TRMT44: variants seen among roughly 807,000 people sequenced by gnomAD.
TRMT44 encodes the protein tRNA methyltransferase 44 homolog, also known as probable tRNA (uracil-O(2)-)-methyltransferase.
In TRMT44, 78 loss-of-function variants were observed where a neutral mutation model predicts 77.3. That is an observed-to-expected ratio of 1.01 (90% CI 0.84 to 1.22). The LOEUF is 1.22. Ranked by LOEUF, TRMT44 falls within the 50% of genes most tolerant of loss-of-function variation. The pLI, the probability that TRMT44 is intolerant of heterozygous loss-of-function variation, is 0.00. For missense variants in TRMT44, 1,090 were observed against 964.4 expected, an observed-to-expected ratio of 1.13 and a Z score of -1.73; for synonymous variants, 391 against 383.3, an observed-to-expected ratio of 1.02 and a Z score of -0.23.
chr4:8,476,025 C>T lies in TRMT44; in HGVS notation c.*24C>T. 1 of 1,607,900 alleles carries T rather than the reference C, an allele frequency of 6.2e-7. No individual in the cohort carries two copies. The highest frequency in any genetic ancestry group is 8.5e-7 in the Non-Finnish European group (1 of 1,176,000). ...GAGCTGCATCCTTGCCAGCCGAGGCCTGGTTGGGGAGGCCAAACCAAGGAG... is the reference window on the plus strand; with the variant it reads ...GAGCTGCATCCTTGCCAGCCGAGGCTTGGTTGGGGAGGCCAAACCAAGGAG... On this transcript the variant is annotated 3_prime_UTR_variant, in exon 11 of 11. Transcript: ENST00000389737.
the TRMT44 span, among the ~76,000 whole-genome samples, chr4:8,508,516 A>C: frequency 6.6e-6 from 1 of 152,122 alleles, no homozygotes; most frequent in Admixed American, 6.5e-5. Context: ...GTTGAACCTG[A>C]TGTCTGCTCA....
At chr4:8,490,517 A>G (rs1379642687) in intron 2 of TRMT44, among the ~76,000 whole-genome samples, 2 of 152,068 alleles carry the variant, frequency 1.3e-5, no homozygotes, top group African/African-American at 2.4e-5. Flanking sequence ...CGCTGGCTTC[A>G]GGAGTGAAGC....
chr4:8,453,049 A>G (rs1056095878), intron 5 of TRMT44, 60 bp downstream of exon 5: 6 of 1,037,030 alleles, frequency 5.8e-6, no homozygotes, highest in South Asian at 1.7e-5. Context: ...CAAGTCAGGC[A>G]CAGGGTTCAC....
In TRMT44 at chr4:8,452,023, C is replaced by G; in HGVS notation, c.1018C>G (p.Leu340Val). The change falls in exon 4 of 11, where the codon CTG becomes GTG. Residue 340 changes from leucine (L) to valine (V), a missense_variant. Transcript: ENST00000389737. The surrounding 1 kb of genome is among the most constrained non-coding windows in gnomAD (Gnocchi z 5.7). Reference sequence around the variant, plus strand: ...TGAAGATGTGGCTATCGCAGCATACCTGCTGGTAAGGGTGTAAGCGACCTC... The same window carrying G: ...TGAAGATGTGGCTATCGCAGCATACGTGCTGGTAAGGGTGTAAGCGACCTC... ...VYEDVAIAAY[L>V]LILWEEERAE... The G allele has an allele frequency of 6.5e-7, 1 of 1,536,520 alleles. No individual in the cohort carries two copies. The highest frequency in any genetic ancestry group is 8.7e-7 in the Non-Finnish European group (1 of 1,146,888).
the TRMT44 span, among the ~76,000 whole-genome samples, chr4:8,516,255 G>A: frequency 6.6e-6 from 1 of 152,144 alleles, no homozygotes; most frequent in African/African-American, 2.4e-5. Context: ...CCCCTCGACT[G>A]CTCTGCAGAC....
chr4:8,460,681 G>A (rs1726096218), intron 6 of TRMT44, among the ~76,000 whole-genome samples: 1 of 151,640 alleles, frequency 6.6e-6, no homozygotes, highest in East Asian at 1.9e-4. Flanking sequence ...AACCTCCCGG[G>A]TAGCTAGGAC....
chr4:8,456,543 A>G (rs1017920179), intron 6 of TRMT44, among the ~76,000 whole-genome samples: 6 of 144,588 alleles, frequency 4.1e-5, no homozygotes, highest in Non-Finnish European at 9.2e-5. Flanking sequence ...ACTGTTGTTA[A>G]AAAAAAAAAA....
Position 8,465,517 on chromosome 4 carries a change from T to G in TRMT44, c.1450T>G (p.Phe484Val), listed in dbSNP as rs1197426545. 6.2e-7 allele frequency: 1 copy of G among 1,613,886 alleles called. No individual in the cohort carries two copies. ...TAAAGAAGTGGGCTTCACCTGTGGGTTTCACGTGGACGAAGACTGCCTCAG... is the reference window on the plus strand; with the variant it reads ...TAAAGAAGTGGGCTTCACCTGTGGGGTTCACGTGGACGAAGACTGCCTCAG... The part of the protein sequence containing the change: ...FIKEVGFTCG[F>V]HVDEDCLRIP... Residue 484 changes from phenylalanine (F) to valine (V), a missense_variant, in exon 8 of 11, where the codon TTT becomes GTT. By Grantham distance (50) the Phe-to-Val change is conservative (BLOSUM62 -1). Coordinates refer to ENST00000389737, the MANE Select transcript of TRMT44 (RefSeq NM_152544.3).
rs1579080385 is a variant in TRMT44 at position 8,471,178 on chromosome 4, G to A, written c.2022G>A (p.Arg674=). Residue 674 remains arginine (R), a synonymous_variant, in exon 10 of 11, where the codon CGG becomes CGA. Transcript: ENST00000389737. ...RECGGLQTLL[R]NSHQVFQVVN... ...GTGGGGGCCTGCAGACGCTGCTCCGGAACAGCCACCAGGTGTTCCAAGGTA... is the reference window on the plus strand; with the variant it reads ...GTGGGGGCCTGCAGACGCTGCTCCGAAACAGCCACCAGGTGTTCCAAGGTA... The A allele has an allele frequency of 1.9e-6, 3 of 1,604,464 alleles. No homozygotes were observed. Among genetic ancestry groups the A allele is most frequent in the East Asian group, 4.5e-5 (2 of 44,336 alleles).
At chr4:8,466,805 G>A (rs1275631923) in intron 8 of TRMT44, among the ~76,000 whole-genome samples, 1 of 152,238 alleles carries the variant, frequency 6.6e-6, no homozygotes, top group Non-Finnish European at 1.5e-5. Flanking sequence ...GGGATCGAAT[G>A]TAAGAGTGGA....
intron 6 of TRMT44, among the ~76,000 whole-genome samples, chr4:8,459,811 C>T (rs775369250): frequency 7.9e-5 from 12 of 152,156 alleles, no homozygotes; most frequent in Non-Finnish European, 1.6e-4. Flanking sequence ...AGAGCCCCTG[C>T]CTTTATGGTC....
intron 6 of TRMT44, among the ~76,000 whole-genome samples, chr4:8,462,289 T>C (rs1209215999): frequency 6.6e-6 from 1 of 152,166 alleles, no homozygotes; most frequent in Non-Finnish European, 1.5e-5. Context: ...CGCATGCCTG[T>C]AATCCTAGCT....
chr4:8,511,228 G>A, the TRMT44 span, among the ~76,000 whole-genome samples: 8 of 152,324 alleles, frequency 5.3e-5, no homozygotes, highest in African/African-American at 1.7e-4. Flanking sequence ...ATGTGAGCCC[G>A]TTCCTGAAAA....
At chr4:8,471,722 C>T (rs936542483) in intron 10 of TRMT44, among the ~76,000 whole-genome samples, 17 of 152,232 alleles carry the variant, frequency 1.1e-4, no homozygotes, top group African/African-American at 4.1e-4. Flanking sequence ...CTCCCCAACG[C>T]CCTGTGACTC....
At chr4:8,514,635 T>C in the TRMT44 span, among the ~76,000 whole-genome samples, 2 of 152,064 alleles carry the variant, frequency 1.3e-5, no homozygotes, top group Non-Finnish European at 2.9e-5. Flanking sequence ...GGTGAAACGG[T>C]GGCTGCCCTC....
rs372924806 is a variant in TRMT44 at position 8,475,877 on chromosome 4, G to A, written c.2150G>A (p.Arg717His). The change falls in exon 11 of 11, where the codon CGC becomes CAC. Residue 717 changes from arginine (R) to histidine (H), a missense_variant. By Grantham distance (29) the Arg-to-His change is conservative. Transcript: ENST00000389737. ...CTGCTCTCTGAAGCCTGCAAAACCC[G>A]CCTCTGCTGGTTCTTCATGCATCAC... ...QRLLSEACKT[R>H]LCWFFMHHPD... 4.5e-5 allele frequency: 73 copies of A among 1,614,212 alleles called. No homozygotes were observed. Among genetic ancestry groups the A allele is most frequent in the Non-Finnish European group, 5.4e-5 (64 of 1,180,048 alleles).
At position 8,468,269 on chromosome 4, in the gene TRMT44, C is replaced by T. The variant is rs762833789; in HGVS notation, c.1850C>T (p.Ala617Val). The change falls in exon 9 of 11, where the codon GCG becomes GTG. Residue 617 changes from alanine (A) to valine (V), a missense_variant. Coordinates refer to ENST00000389737, the MANE Select transcript of TRMT44 (RefSeq NM_152544.3). ...ATTGACCAAGTGGTTTTGCAAGTAG[C>T]GAATTTACTGTTAGGTGGAAAGCAA... ...DFIDQVVLQV[A>V]NLLLGGKQLN... 96 of 1,614,184 alleles carry T rather than the reference C, an allele frequency of 5.9e-5. No individual in the cohort carries two copies. The South Asian group carries it at 9.8e-4, about 16-fold the overall frequency.
chr4:8,463,479 C>T (rs142511221), intron 6 of TRMT44, among the ~76,000 whole-genome samples: 5 of 152,230 alleles, frequency 3.3e-5, no homozygotes, highest in African/African-American at 4.8e-5. Context: ...TAAAGAATTT[C>T]GTGTATTTAC....
rs745915221 is a variant in TRMT44 at position 8,449,949 on chromosome 4, C to CT, written c.954+86dup. The CT allele has an allele frequency of 6.8e-3, 1,623 of 238,456 alleles. 25 individuals carry two copies. Among genetic ancestry groups the CT allele is most frequent in the African/African-American group, 0.012 (161 of 13,438 alleles). The allele number at this position is 238,456 out of a possible 1,614,324, so 14.8% of individuals were successfully genotyped here. A position where few individuals can be genotyped will look rare whatever the true frequency, so the allele number is the denominator to read the frequency against. On this transcript the variant is annotated intron_variant, in intron 3 of 10. Coordinates refer to ENST00000389737, the MANE Select transcript of TRMT44 (RefSeq NM_152544.3). ...TCATGATTTTCTTTTCTTTTCTTTT[C>CT]TTTTTTTTTTTTTTTTTTTTTTTTT...
Sources: allele counts gnomAD v4.1 joint callset (sites outside exome capture counted in the v4.1 genomes callset), GRCh38; gene constraint gnomAD v4.1.1; non-coding constraint Gnocchi (gnomAD v3.1); transcripts MANE v1.5; gene names NCBI Gene and HGNC (gene_info 2026-07-23, HGNC 2026-07-21).